EGFR: variants seen among roughly 807,000 people sequenced by gnomAD.
EGFR encodes avian erythroblastic leukemia viral (v-erb-b) oncogene homolog.
EGFR carries 58 observed loss-of-function variants against 143.0 expected under a neutral mutation model. The ratio of observed to expected loss-of-function variants is 0.41; its 90% CI spans 0.33 to 0.50. EGFR has a LOEUF of 0.50. Ranked by LOEUF, EGFR falls within the 20% of genes least tolerant of loss-of-function variation. The probability of loss-of-function intolerance (pLI) is 0.39; values close to 1 mark genes in which losing one functional copy is unlikely to be tolerated. For synonymous variants in EGFR, 613 were observed against 594.4 expected (o/e 1.03, Z -0.45); for missense variants, 1,307 against 1,579.0 (o/e 0.83, Z 2.92).
chr7:55,147,516 A>AAC (rs1378580347), intron 4 of EGFR, among the ~76,000 whole-genome samples: 4 of 152,020 alleles, frequency 2.6e-5, no homozygotes, highest in African/African-American at 9.7e-5. Flanking sequence ...AGAACAAAAA[A>AAC]AAAAAAAAAT....
At chr7:55,165,986 T>G (rs1397249330) in intron 15 of EGFR, among the ~76,000 whole-genome samples, 1 of 152,132 alleles carries the variant, frequency 6.6e-6, no homozygotes, top group Non-Finnish European at 1.5e-5. Flanking sequence ...GAGACCAGGC[T>G]GGCCAACATG....
chr7:55,111,954 G>A (rs1410980139), intron 1 of EGFR, among the ~76,000 whole-genome samples: 3 of 152,270 alleles, frequency 2.0e-5, no homozygotes, highest in Middle Eastern at 3.4e-3. Flanking sequence ...TGTGGGGTGG[G>A]GTCCCAGGGT....
chr7:55,183,040 A>G (rs1246079719), intron 20 of EGFR, among the ~76,000 whole-genome samples: 2 of 152,128 alleles, frequency 1.3e-5, no homozygotes, highest in Non-Finnish European at 2.9e-5. Context: ...CTAAAAGGCC[A>G]TGCTCCCACA....
At chr7:55,148,479 G>A (rs1164878392) in intron 4 of EGFR, among the ~76,000 whole-genome samples, 1 of 152,058 alleles carries the variant, frequency 6.6e-6, no homozygotes, top group Non-Finnish European at 1.5e-5. Context: ...GGCCAATATA[G>A]CATTGCTTTA....
rs552405640 is a variant in EGFR at position 55,168,991 on chromosome 7, T to C, written c.1881-2184T>C. ...CTTTAACAACTTGTGAACAGCAGCA[T>C]CAGAGCCCAGACTACAGCATAAGCA... On this transcript the variant is annotated intron_variant, in intron 15 of 27. Coordinates refer to ENST00000275493, the MANE Select transcript of EGFR (RefSeq NM_005228.5). Among the ~76,000 whole-genome samples the C allele has an allele frequency of 6.6e-4, 100 of 152,190 alleles. 1 individual carries two copies. The highest frequency in any genetic ancestry group is 2.0e-3 in the African/African-American group (84 of 41,528).
chr7:55,159,751 T>G (rs1785604679), intron 11 of EGFR, among the ~76,000 whole-genome samples: 1 of 152,178 alleles, frequency 6.6e-6, no homozygotes, highest in Non-Finnish European at 1.5e-5. Context: ...AATATATGAA[T>G]GGATAGAGGG....
rs1351017578 is a variant in EGFR at position 55,207,319 on chromosome 7, CTA to C, written c.*1706_*1707del. On this transcript the variant is annotated 3_prime_UTR_variant, in exon 28 of 28. Transcript: ENST00000275493. ...GATTTTTGTCTCAATGAAAATAAAACTATATTCATTTCCACTCTATTATGCTC... is the reference window on the plus strand; with the variant it reads ...GATTTTTGTCTCAATGAAAATAAAACTATTCATTTCCACTCTATTATGCTC... The C allele has an allele frequency of 4.3e-6, 1 of 231,644 alleles. No homozygotes were observed. The highest frequency in any genetic ancestry group is 6.1e-5 in the East Asian group (1 of 16,308). 14.3% of individuals were successfully genotyped at this position (231,644 alleles called of 1,614,324 possible). A position where few individuals can be genotyped will look rare whatever the true frequency, so the allele number is the denominator to read the frequency against.
Position 55,109,041 on chromosome 7 carries a change from G to A in EGFR, c.89-33245G>A, listed in dbSNP as rs76317486. 5.6e-3 allele frequency among the ~76,000 whole-genome samples: 856 copies of A among 152,300 alleles called. 7 individuals carry two copies. The highest frequency in any genetic ancestry group is 0.019 in the African/African-American group (807 of 41,564). ...TGAGACTGCAATAGAGTGATACGCT[G>A]GAGGGGGCTGCAAGGGAGAAGGTGG... is the stretch of plus-strand genomic sequence containing the variant. On this transcript the variant is annotated intron_variant, in intron 1 of 27. Coordinates refer to ENST00000275493, the MANE Select transcript of EGFR (RefSeq NM_005228.5).
chr7:55,192,721 G>A (rs773138582), intron 21 of EGFR, 45 bp from the exon 22 acceptor site: 28 of 1,567,058 alleles, frequency 1.8e-5, no homozygotes, highest in Middle Eastern at 1.7e-4. Context: ...TCCAACAGAG[G>A]GAAACTAATA....
chr7:55,127,493 C>T (rs1464323980), intron 1 of EGFR, among the ~76,000 whole-genome samples: 2 of 144,754 alleles, frequency 1.4e-5, no homozygotes, highest in East Asian at 4.6e-4. Flanking sequence ...ATCTGCAATT[C>T]TTAAACTAAA....
intron 6 of EGFR, 60 bp downstream of exon 6, chr7:55,152,724 C>A: frequency 7.0e-7 from 1 of 1,437,052 alleles, no homozygotes; most frequent in Non-Finnish European, 9.8e-7. Context: ...GCCCCACCCA[C>A]ACCAGGACAG....
In EGFR at chr7:55,202,901, T is replaced by G. The variant is rs564593076; in HGVS notation, c.3271+276T>G. 961 of 646,614 alleles carry G rather than the reference T, an allele frequency of 1.5e-3. 18 individuals are homozygous for G. The South Asian group carries it at 0.016, about 11-fold the overall frequency. The allele number at this position is 646,614 out of a possible 1,614,324, so 40.1% of individuals were successfully genotyped here. On this transcript the variant is annotated intron_variant, in intron 27 of 27. Transcript: ENST00000275493. ...ATGAAGCAAATCACGGACATACACA[T>G]CTGTGTGTGTGAGTGTTCATGATGT...
chr7:55,202,304 G>A (rs1457814633), intron 26 of EGFR, among the ~76,000 whole-genome samples: 5 of 152,194 alleles, frequency 3.3e-5, no homozygotes, highest in Admixed American at 1.3e-4. Flanking sequence ...CCCTCACTGC[G>A]GAAAGTTCTG....
chr7:55,041,393 A>G (rs1290695465), intron 1 of EGFR, among the ~76,000 whole-genome samples: 1 of 152,162 alleles, frequency 6.6e-6, no homozygotes, highest in African/African-American at 2.4e-5. Flanking sequence ...CCTGGGCAAA[A>G]GAGCGACACT....
chr7:55,170,242 T>C (rs1786276024), intron 15 of EGFR: 12 of 1,612,930 alleles, frequency 7.4e-6, no homozygotes, highest in East Asian at 4.5e-5. Context: ...GATCAGATTA[T>C]AGTGTTACAC....
chr7:55,154,499 C>T (rs1017228940), intron 7 of EGFR, among the ~76,000 whole-genome samples: 4 of 152,252 alleles, frequency 2.6e-5, no homozygotes, highest in African/African-American at 7.2e-5. Context: ...GGCACAAAGC[C>T]GTGGGCATGC....
At chr7:55,031,159 A>G (rs1226918313) in intron 1 of EGFR, among the ~76,000 whole-genome samples, 1 of 152,236 alleles carries the variant, frequency 6.6e-6, no homozygotes, top group Non-Finnish European at 1.5e-5. Flanking sequence ...TCCAGTTGTT[A>G]TCTAGGTGCT....
chr7:55,075,363 G>A (rs1260423286), intron 1 of EGFR, among the ~76,000 whole-genome samples: 1 of 152,160 alleles, frequency 6.6e-6, no homozygotes, highest in Non-Finnish European at 1.5e-5. Context: ...ATTGAGCTGT[G>A]ACCAACATGA....
At chr7:55,080,454 A>T (rs369925847) in intron 1 of EGFR, among the ~76,000 whole-genome samples, 55 of 152,148 alleles carry the variant, frequency 3.6e-4, no homozygotes, top group African/African-American at 1.2e-3. Flanking sequence ...CAAAAGAAAA[A>T]CATTGCATGA....
Sources: allele counts gnomAD v4.1 joint callset (sites outside exome capture counted in the v4.1 genomes callset), GRCh38; gene constraint gnomAD v4.1.1; transcripts MANE v1.5; gene names NCBI Gene and HGNC (gene_info 2026-07-23, HGNC 2026-07-21).